DLGAP1: variants seen among roughly 807,000 people sequenced by gnomAD.
The protein encoded by DLGAP1 is DLG associated protein 1, also known as disks large-associated protein 1.
DLGAP1 carries 11 observed loss-of-function variants against 90.8 expected under a neutral mutation model. The observed-to-expected ratio is 0.12, with a 90% confidence interval of 0.08 to 0.20. The LOEUF is 0.20. Among genes scored for constraint, DLGAP1 ranks in the 10% least tolerant of loss-of-function variants. DLGAP1 has a pLI of 1.00. For synonymous variants in DLGAP1, 558 were observed against 540.7 expected (o/e 1.03, Z -0.44); for missense variants, 1,050 against 1,333.8 (o/e 0.79, Z 3.31).
chr18:4,252,008 T>A (rs2078788370), intron 1 of DLGAP1, among the ~76,000 whole-genome samples: 1 of 152,008 alleles, frequency 6.6e-6, no homozygotes, highest in African/African-American at 2.4e-5. Context: ...TGGAAAGGAG[T>A]CAACAGAGTT....
intron 5 of DLGAP1, among the ~76,000 whole-genome samples, chr18:3,808,059 A>C (rs2066650008): frequency 6.6e-6 from 1 of 152,244 alleles, no homozygotes; most frequent in Admixed American, 6.5e-5. Context: ...CATTTTTTTA[A>C]AAACTAGGAG....
chr18:3,580,617 G>C (rs2055438377), intron 8 of DLGAP1: 1 of 1,590,974 alleles, frequency 6.3e-7, no homozygotes. Flanking sequence ...CTGGAAGAAT[G>C]TGCCGGTGAG....
At chr18:4,371,034 T>TA (rs1433251850) in intron 1 of DLGAP1, among the ~76,000 whole-genome samples, 2 of 152,020 alleles carry the variant, frequency 1.3e-5, no homozygotes, top group Non-Finnish European at 2.9e-5. Context: ...TCAAAGTCAA[T>TA]AACAAAACAA....
chr18:3,584,671 CCCT>C (rs1278376873), intron 7 of DLGAP1, among the ~76,000 whole-genome samples: 1 of 152,086 alleles, frequency 6.6e-6, no homozygotes, highest in Non-Finnish European at 1.5e-5. Flanking sequence ...AGGCAGTCAC[CCCT>C]CATTCCCTGG....
intron 3 of DLGAP1, among the ~76,000 whole-genome samples, chr18:3,912,368 A>G (rs2072054110): frequency 6.6e-6 from 1 of 152,130 alleles, no homozygotes; most frequent in African/African-American, 2.4e-5. Flanking sequence ...CTCACAATCT[A>G]GTCGGGGAGA....
At chr18:4,143,542 C>T (rs1266164906) in intron 2 of DLGAP1, among the ~76,000 whole-genome samples, 1 of 151,760 alleles carries the variant, frequency 6.6e-6, no homozygotes, top group African/African-American at 2.4e-5. Context: ...AGGGAAGGTC[C>T]AGAAATGCCA....
intron 7 of DLGAP1, among the ~76,000 whole-genome samples, chr18:3,661,743 A>AT (rs994935758): frequency 1.9e-3 from 274 of 146,042 alleles, no homozygotes; most frequent in East Asian, 0.015. Context: ...TGCCTGGATG[A>AT]TTTTTTTTTT....
chr18:3,769,148 T>G (rs2064395765), intron 5 of DLGAP1, among the ~76,000 whole-genome samples: 1 of 152,072 alleles, frequency 6.6e-6, no homozygotes, highest in Non-Finnish European at 1.5e-5. Context: ...GGAGAAGAGT[T>G]CAACATCACT....
chr18:4,273,987 T>C (rs901467392), intron 1 of DLGAP1, among the ~76,000 whole-genome samples: 11 of 152,134 alleles, frequency 7.2e-5, no homozygotes, highest in Non-Finnish European at 1.5e-4. Context: ...TGATTTTTAC[T>C]ATAATTTTTG....
At chr18:3,732,003 G>A (rs951513466) in intron 6 of DLGAP1, among the ~76,000 whole-genome samples, 3 of 152,034 alleles carry the variant, frequency 2.0e-5, no homozygotes, top group African/African-American at 4.8e-5. Context: ...TCACCCAAGC[G>A]TGCATCCCTG....
intron 2 of DLGAP1, among the ~76,000 whole-genome samples, chr18:4,024,208 T>TA (rs2074662328): frequency 6.6e-6 from 1 of 152,364 alleles, no homozygotes; most frequent in African/African-American, 2.4e-5. Flanking sequence ...GCTCTTTTCT[T>TA]AAATCATACA....
At chr18:3,798,618 C>G (rs1456486853) in intron 5 of DLGAP1, among the ~76,000 whole-genome samples, 1 of 152,138 alleles carries the variant, frequency 6.6e-6, no homozygotes, top group Non-Finnish European at 1.5e-5. Context: ...GTATCTGTTT[C>G]TATGGTTTTA....
At chr18:4,179,701 C>T (rs2077174656) in intron 1 of DLGAP1, among the ~76,000 whole-genome samples, 1 of 152,038 alleles carries the variant, frequency 6.6e-6, no homozygotes, top group Non-Finnish European at 1.5e-5. Flanking sequence ...TTTAGTGTCT[C>T]AATAAGTTTA....
chr18:3,966,098 T>C (rs983424131), intron 3 of DLGAP1, among the ~76,000 whole-genome samples: 1 of 151,506 alleles, frequency 6.6e-6, no homozygotes, highest in African/African-American at 2.4e-5. Context: ...AAAATAAAAA[T>C]GGGACACAGA....
At chr18:4,157,859 A>T (rs1411106593) in intron 1 of DLGAP1, among the ~76,000 whole-genome samples, 1 of 152,146 alleles carries the variant, frequency 6.6e-6, no homozygotes, top group Non-Finnish European at 1.5e-5. Flanking sequence ...CATGCTCGCC[A>T]CTGGAACCAG....
intron 4 of DLGAP1, among the ~76,000 whole-genome samples, chr18:3,860,158 G>A (rs924617110): frequency 1.3e-5 from 2 of 151,494 alleles, no homozygotes; most frequent in Non-Finnish European, 2.9e-5. Flanking sequence ...GGGGCATTTT[G>A]TTATTGCAGC....
intron 1 of DLGAP1, among the ~76,000 whole-genome samples, chr18:4,162,910 GTT>G (rs113123963): frequency 2.0e-5 from 3 of 148,532 alleles, no homozygotes; most frequent in African/African-American, 7.4e-5. Context: ...AATAATCAGA[GTT>G]TTTTTTTAAA....
At chr18:4,257,158 A>C (rs759152301) in intron 1 of DLGAP1, among the ~76,000 whole-genome samples, 1 of 152,236 alleles carries the variant, frequency 6.6e-6, no homozygotes, top group East Asian at 1.9e-4. Flanking sequence ...TAATTCCTTG[A>C]AAGTGTAGGC....
At chr18:4,060,837 G>A (rs1332983017) in intron 2 of DLGAP1, among the ~76,000 whole-genome samples, 1 of 152,166 alleles carries the variant, frequency 6.6e-6, no homozygotes, top group Non-Finnish European at 1.5e-5. Flanking sequence ...TTTTGGAGAA[G>A]TCAGAAAGTC....
Sources: allele counts gnomAD v4.1 joint callset (sites outside exome capture counted in the v4.1 genomes callset), GRCh38; gene constraint gnomAD v4.1.1; transcripts MANE v1.5; gene names NCBI Gene and HGNC (gene_info 2026-07-23, HGNC 2026-07-21).